Variants in TMEM201 observed in about 807,000 individuals in gnomAD.
TMEM201 encodes RP13-15M17.2.
Under a neutral mutation model 63.4 loss-of-function variants are expected in TMEM201, and 26 were observed. The observed-to-expected ratio is 0.41, with a 90% confidence interval of 0.30 to 0.57. The LOEUF is 0.57. TMEM201 is among the 20% of genes least tolerant of loss of function. TMEM201 has a pLI of 0.29. For synonymous variants in TMEM201, 417 were observed against 421.6 expected (o/e 0.99, Z 0.14); for missense variants, 794 against 917.7 (o/e 0.87, Z 1.74).
rs1454936121 is a variant in TMEM201, at chr1:9,603,151, TGCCTGCTCAC to T, written c.1160+880_1160+889del. 13 of 985,416 alleles carry T rather than the reference TGCCTGCTCAC, an allele frequency of 1.3e-5. No homozygotes were observed. The highest frequency in any genetic ancestry group is 1.4e-5 in the Non-Finnish European group (12 of 830,032). The allele number at this position is 985,416 out of a possible 1,614,324, so 61.0% of individuals were successfully genotyped here. On this transcript the variant is annotated intron_variant, in intron 6 of 10. Coordinates refer to ENST00000340381, the MANE Select transcript of TMEM201 (RefSeq NM_001130924.3). The surrounding 1 kb of genome is among the most constrained non-coding windows in gnomAD (Gnocchi z 4.5). ...CTGACCTGTCACGAGCCTCTGCAGGTGCCTGCTCACCATGGCCCAGCGCCACTCTGTCCTC... is the reference window on the plus strand; with the variant it reads ...CTGACCTGTCACGAGCCTCTGCAGGTCATGGCCCAGCGCCACTCTGTCCTC...
At chr1:9,597,484 T>G (rs931932753) in intron 3 of TMEM201, among the ~76,000 whole-genome samples, 3 of 152,046 alleles carry the variant, frequency 2.0e-5, no homozygotes, top group Non-Finnish European at 4.4e-5. Flanking sequence ...TGCTGTGGGG[T>G]TGGTGGAGGA....
chr1:9,601,576 C>T, intron 5 of TMEM201, 122 bp downstream of exon 5: 2 of 978,956 alleles, frequency 2.0e-6, no homozygotes, highest in Non-Finnish European at 2.9e-6. Flanking sequence ...CACCATGTCA[C>T]TGGTACAAGG....
In TMEM201 at chr1:9,603,245, C is replaced by T. The variant is rs940332835; in HGVS notation, c.1160+973C>T. The T allele has an allele frequency of 1.0e-6, 1 of 984,644 alleles. No homozygotes were observed. Among genetic ancestry groups the T allele is most frequent in the African/African-American group, 1.7e-5 (1 of 57,202 alleles). The allele number at this position is 984,644 out of a possible 1,614,324, so 61.0% of individuals were successfully genotyped here. ...TCCTCAGTAGCAGGGCCTGGCCAGG[C>T]CCCTGCTGTTCTCAGCCTCAGTTTG... On this transcript the variant is annotated intron_variant, in intron 6 of 10. Transcript: ENST00000340381. This position sits in a 1 kb window ranked among gnomAD's most constrained non-coding sequence, Gnocchi z 4.5.
At chr1:9,593,191 A>G (rs754864039) in intron 1 of TMEM201, among the ~76,000 whole-genome samples, 2 of 152,244 alleles carry the variant, frequency 1.3e-5, no homozygotes, top group Non-Finnish European at 2.9e-5. Flanking sequence ...AGAGGCAAGC[A>G]TAGGCTAGGG....
In TMEM201 at chr1:9,604,423, C is replaced by G. The variant is rs866738837; in HGVS notation, c.1160+2151C>G. ...TGACTTTTTAAATTATTCATGTGTCCCTTAAAAGTTTCACTACGTGGAGAA... is the reference window on the plus strand; with the variant it reads ...TGACTTTTTAAATTATTCATGTGTCGCTTAAAAGTTTCACTACGTGGAGAA... On this transcript the variant is annotated intron_variant, in intron 6 of 10. Transcript: ENST00000340381. The surrounding 1 kb of genome is among the most constrained non-coding windows in gnomAD (Gnocchi z 4.1). 1 of 985,206 alleles carries G rather than the reference C, an allele frequency of 1.0e-6. No homozygotes were observed. Among genetic ancestry groups the G allele is most frequent in the African/African-American group, 1.7e-5 (1 of 57,192 alleles). 61.0% of individuals were successfully genotyped at this position (985,206 alleles called of 1,614,324 possible). A position where few individuals can be genotyped will look rare whatever the true frequency, so the allele number is the denominator to read the frequency against.
chr1:9,589,480 C>A (rs971442051), intron 1 of TMEM201, among the ~76,000 whole-genome samples: 1 of 152,262 alleles, frequency 6.6e-6, no homozygotes. Context: ...ACAGCCCCTG[C>A]TTACGCTAGA....
chr1:9,611,632 C>A, intron 9 of TMEM201, 121 bp from the exon 10 acceptor site: 1 of 1,338,846 alleles, frequency 7.5e-7, no homozygotes, highest in South Asian at 1.3e-5. Flanking sequence ...GGATGAGTGG[C>A]TTGGGACAGC....
intron 1 of TMEM201, among the ~76,000 whole-genome samples, chr1:9,594,608 A>G (rs1338107587): frequency 6.6e-6 from 1 of 152,178 alleles, no homozygotes; most frequent in Non-Finnish European, 1.5e-5. Context: ...GGTCAGGAGA[A>G]GGGGGTGGAG....
At position 9,604,507 on chromosome 1, in the gene TMEM201, G is replaced by C; in HGVS notation, c.1160+2235G>C. The C allele has an allele frequency of 1.0e-6, 1 of 985,468 alleles. No individual in the cohort carries two copies. The highest frequency in any genetic ancestry group is 1.2e-6 in the Non-Finnish European group (1 of 829,950). 61.0% of individuals were successfully genotyped at this position (985,468 alleles called of 1,614,324 possible). A position where few individuals can be genotyped will look rare whatever the true frequency, so the allele number is the denominator to read the frequency against. On this transcript the variant is annotated intron_variant, in intron 6 of 10. Coordinates refer to ENST00000340381, the MANE Select transcript of TMEM201 (RefSeq NM_001130924.3). This position sits in a 1 kb window ranked among gnomAD's most constrained non-coding sequence, Gnocchi z 4.1. ...GAGAGTGCAGGCACCACTGTGTTGTGGCTTGTTGACCGGGAATGTGTCACC... is the reference window on the plus strand; with the variant it reads ...GAGAGTGCAGGCACCACTGTGTTGTCGCTTGTTGACCGGGAATGTGTCACC...
At chr1:9,606,361 C>A (rs1406186384) in intron 6 of TMEM201, 4 of 152,278 alleles carry the variant, frequency 2.6e-5, no homozygotes, top group African/African-American at 9.6e-5. Context: ...GCCTTTGGTT[C>A]TGAAGTCCAG....
intron 1 of TMEM201, 108 bp from the exon 2 acceptor site, chr1:9,595,782 C>A: frequency 1.3e-6 from 2 of 1,521,772 alleles, no homozygotes; most frequent in South Asian, 1.2e-5. Context: ...GATCCCAGAT[C>A]CCACTCCCAG....
intron 1 of TMEM201, among the ~76,000 whole-genome samples, chr1:9,593,552 C>G (rs544397246): frequency 9.8e-5 from 15 of 152,318 alleles, no homozygotes; most frequent in East Asian, 3.9e-4. Flanking sequence ...TTGCCTCCCC[C>G]CTCTTCCGGG....
intron 1 of TMEM201, among the ~76,000 whole-genome samples, chr1:9,593,165 C>G (rs570822684): frequency 6.6e-6 from 1 of 152,338 alleles, no homozygotes; most frequent in Non-Finnish European, 1.5e-5. Flanking sequence ...CCAGATGCTG[C>G]CTCAACAGGC....
At position 9,605,453 on chromosome 1, in the gene TMEM201, CG is replaced by C. The variant is rs369041889; in HGVS notation, c.1161-2096del. 5.9e-5 allele frequency among the ~76,000 whole-genome samples: 9 copies of C among 151,530 alleles called. No homozygotes were observed. Among genetic ancestry groups the C allele is most frequent in the East Asian group, 5.8e-4 (3 of 5,178 alleles). On this transcript the variant is annotated intron_variant, in intron 6 of 10. Coordinates refer to ENST00000340381, the MANE Select transcript of TMEM201 (RefSeq NM_001130924.3). This position sits in a 1 kb window ranked among gnomAD's most constrained non-coding sequence, Gnocchi z 5.7. ...ACGTGGTTTGAGGGCACAGGGCAGT[CG>C]GGGGGGGTCTCTCGCCAAAGGAAAT...
At chr1:9,589,714 G>A (rs1212625248) in intron 1 of TMEM201, among the ~76,000 whole-genome samples, 1 of 152,238 alleles carries the variant, frequency 6.6e-6, no homozygotes, top group Admixed American at 6.5e-5. Context: ...TCTTTCATCG[G>A]CCTCCATCGC....
chr1:9,611,611 C>T, intron 9 of TMEM201, 142 bp from the exon 10 acceptor site: 1 of 1,056,542 alleles, frequency 9.5e-7, no homozygotes, highest in Admixed American at 2.3e-5. Flanking sequence ...TGGCCCCCCA[C>T]TGTCCAGGGT....
Position 9,613,836 on chromosome 1 carries a change from C to T in TMEM201, c.*753C>T, listed in dbSNP as rs1644357382. On this transcript the variant is annotated 3_prime_UTR_variant, in exon 11 of 11. Transcript: ENST00000340381. Reference sequence around the variant, plus strand: ...GTGTTTCCAGGCCTGCACGTCTGGTCCTTCAGCTGCACATGGAACTGCAGG... The same window carrying T: ...GTGTTTCCAGGCCTGCACGTCTGGTTCTTCAGCTGCACATGGAACTGCAGG... 1 of 152,390 alleles carries T rather than the reference C, an allele frequency of 6.6e-6. No individual in the cohort carries two copies. Among genetic ancestry groups the T allele is most frequent in the Admixed American group, 6.5e-5 (1 of 15,282 alleles). 9.4% of individuals were successfully genotyped at this position (152,390 alleles called of 1,614,324 possible). A position where few individuals can be genotyped will look rare whatever the true frequency, so the allele number is the denominator to read the frequency against.
In TMEM201 at chr1:9,603,804, G is replaced by A; in HGVS notation, c.1160+1532G>A. 1.0e-6 allele frequency: 1 copy of A among 985,462 alleles called. No individual in the cohort carries two copies. Among genetic ancestry groups the A allele is most frequent in the African/African-American group, 1.7e-5 (1 of 57,362 alleles). The allele number at this position is 985,462 out of a possible 1,614,324, so 61.0% of individuals were successfully genotyped here. ...ACCCAGGTGCATCGGGAGACCCTCG[G>A]GGGCTTCTGTGGCCTCTGTGCCCGA... On this transcript the variant is annotated intron_variant, in intron 6 of 10. Coordinates refer to ENST00000340381, the MANE Select transcript of TMEM201 (RefSeq NM_001130924.3). The surrounding 1 kb of genome is among the most constrained non-coding windows in gnomAD (Gnocchi z 4.5).
At position 9,607,875 on chromosome 1, in the gene TMEM201, C is replaced by T. The variant is rs563135693; in HGVS notation, c.1393+86C>T. 97 of 1,292,662 alleles carry T rather than the reference C, an allele frequency of 7.5e-5. No individual in the cohort carries two copies. The African/African-American group carries it at 1.4e-3, about 19-fold the overall frequency. 80.1% of individuals were successfully genotyped at this position (1,292,662 alleles called of 1,614,324 possible). The stretch of plus-strand genomic sequence containing the variant: ...GGATGGGTACATAGTGTAGGGAGGG[C>T]CGGGAGTGGTTAGTGTTCCTGCTGC... On this transcript the variant is annotated intron_variant, in intron 7 of 10. Transcript: ENST00000340381. This position sits in a 1 kb window ranked among gnomAD's most constrained non-coding sequence, Gnocchi z 5.4.
Sources: allele counts gnomAD v4.1 joint callset (sites outside exome capture counted in the v4.1 genomes callset), GRCh38; gene constraint gnomAD v4.1.1; non-coding constraint Gnocchi (gnomAD v3.1); transcripts MANE v1.5; gene names NCBI Gene and HGNC (gene_info 2026-07-23, HGNC 2026-07-21).